Variants in SPATS2L observed in about 807,000 individuals in gnomAD.
The protein encoded by SPATS2L is SPATS2-like protein.
SPATS2L carries 30 observed loss-of-function variants against 59.6 expected under a neutral mutation model. The observed-to-expected ratio is 0.50, with a 90% CI of 0.38 to 0.68. SPATS2L has a LOEUF of 0.68. SPATS2L is among the 30% of genes least tolerant of loss of function. The pLI is 0.00. For missense variants in SPATS2L, 615 were observed against 700.0 expected (o/e 0.88, Z 1.37); for synonymous variants, 252 against 263.5 (o/e 0.96, Z 0.42).
intron 2 of SPATS2L, among the ~76,000 whole-genome samples, chr2:200,333,479 A>T (rs894563514): frequency 5.3e-5 from 8 of 151,646 alleles, no homozygotes; most frequent in South Asian, 4.2e-4. Flanking sequence ...AGGGTTTTTT[A>T]AAATTTTTTT....
chr2:200,439,071 C>CA (rs2084504857), intron 6 of SPATS2L, 51 bp from the exon 7 acceptor site: 9 of 1,497,984 alleles, frequency 6.0e-6, no homozygotes, highest in Non-Finnish European at 8.3e-6. Context: ...ACTTTATCGT[C>CA]AGTGTTTTTA....
At chr2:200,361,537 C>T (rs1352841411) in intron 2 of SPATS2L, among the ~76,000 whole-genome samples, 2 of 152,230 alleles carry the variant, frequency 1.3e-5, no homozygotes, top group Non-Finnish European at 2.9e-5. Flanking sequence ...TAAGAGAATA[C>T]ATTTCTCCAA....
intron 12 of SPATS2L, 21 bp downstream of exon 12, chr2:200,473,073 G>A: frequency 6.5e-7 from 1 of 1,549,080 alleles, no homozygotes; most frequent in Non-Finnish European, 8.7e-7. Flanking sequence ...ACTGGTGCAG[G>A]GTGCCAGAGG....
intron 2 of SPATS2L, among the ~76,000 whole-genome samples, chr2:200,377,276 A>G (rs905068676): frequency 5.3e-5 from 8 of 152,178 alleles, no homozygotes; most frequent in Non-Finnish European, 1.2e-4. Context: ...GTGAATCGTA[A>G]TTGCTTGTTT....
chr2:200,383,370 T>C (rs996533422), intron 2 of SPATS2L, among the ~76,000 whole-genome samples: 1 of 152,252 alleles, frequency 6.6e-6, no homozygotes, highest in Non-Finnish European at 1.5e-5. Flanking sequence ...ATATAGTCGA[T>C]ATAAAAAGTA....
At chr2:200,455,590 C>T (rs1339478168) in intron 8 of SPATS2L, among the ~76,000 whole-genome samples, 2 of 152,154 alleles carry the variant, frequency 1.3e-5, no homozygotes, top group Non-Finnish European at 2.9e-5. Context: ...AGAGGTGTAC[C>T]TCGAAAGCAA....
chr2:200,377,763 T>G (rs2081649266), intron 2 of SPATS2L, among the ~76,000 whole-genome samples: 1 of 152,232 alleles, frequency 6.6e-6, no homozygotes, highest in South Asian at 2.1e-4. Flanking sequence ...CATTTTCCAT[T>G]TAATGCAAAA....
At chr2:200,426,993 G>A (rs1391803197) in intron 6 of SPATS2L, among the ~76,000 whole-genome samples, 3 of 151,940 alleles carry the variant, frequency 2.0e-5, no homozygotes, top group Admixed American at 6.6e-5. Flanking sequence ...GGTATTTTTC[G>A]GTCACCTGGG....
At chr2:200,439,575 G>T (rs1378177209) in intron 7 of SPATS2L, among the ~76,000 whole-genome samples, 2 of 152,104 alleles carry the variant, frequency 1.3e-5, no homozygotes, top group Non-Finnish European at 2.9e-5. Context: ...CTTGTTGTAG[G>T]CATGGATAAA....
Position 200,479,406 on chromosome 2 carries a change from G to A in SPATS2L, c.*1375G>A. On this transcript the variant is annotated 3_prime_UTR_variant, in exon 13 of 13. Coordinates refer to ENST00000409140, the MANE Select transcript of SPATS2L (RefSeq NM_001100423.2). ...GCAAAGGTCTTGCATACCATTGCTG[G>A]TAGGCCTGTCTCTTAAACCAATCAT... The A allele has an allele frequency of 2.5e-6, 1 of 397,336 alleles. No homozygotes were observed. The highest frequency in any genetic ancestry group is 4.4e-6 in the Non-Finnish European group (1 of 225,824). The allele number at this position is 397,336 out of a possible 1,614,324, so 24.6% of individuals were successfully genotyped here.
At chr2:200,423,857 T>C (rs2083413097) in intron 6 of SPATS2L, among the ~76,000 whole-genome samples, 1 of 152,350 alleles carries the variant, frequency 6.6e-6, no homozygotes, top group Non-Finnish European at 1.5e-5. Context: ...ATTCAGGATC[T>C]CTCTTTTTAA....
intron 3 of SPATS2L, among the ~76,000 whole-genome samples, chr2:200,402,721 C>T (rs1248822406): frequency 1.3e-5 from 2 of 152,216 alleles, no homozygotes; most frequent in African/African-American, 4.8e-5. Context: ...TGCATTGTGA[C>T]TGACTGAAGA....
chr2:200,324,502 G>C lies in SPATS2L; in HGVS notation c.-72-4929G>C, dbSNP rs116544052. ...ATTCTGAATTTCCCTTCTTTGCTTT[G>C]GTACCAAAGCTTTCATTGAGCTCAT... On this transcript the variant is annotated intron_variant, in intron 1 of 12. Coordinates refer to ENST00000409140, the MANE Select transcript of SPATS2L (RefSeq NM_001100423.2). Among the ~76,000 whole-genome samples, 546 of 152,124 alleles carry C rather than the reference G, an allele frequency of 3.6e-3. 5 individuals carry two copies. The highest frequency in any genetic ancestry group is 0.013 in the African/African-American group (526 of 41,502).
intron 2 of SPATS2L, among the ~76,000 whole-genome samples, chr2:200,387,845 TTC>T (rs1297437171): frequency 6.6e-6 from 1 of 152,242 alleles, no homozygotes; most frequent in Non-Finnish European, 1.5e-5. Context: ...AAGTCATTTA[TTC>T]TCTATTTCAA....
intron 1 of SPATS2L, among the ~76,000 whole-genome samples, chr2:200,325,419 C>G (rs2079702433): frequency 6.6e-6 from 1 of 152,154 alleles, no homozygotes; most frequent in Admixed American, 6.5e-5. Flanking sequence ...CACTCTGTTA[C>G]CTAGGCTGGA....
intron 8 of SPATS2L, among the ~76,000 whole-genome samples, chr2:200,456,274 C>T (rs1221974966): frequency 6.6e-6 from 1 of 152,190 alleles, no homozygotes; most frequent in East Asian, 1.9e-4. Context: ...GTTTTGAAAG[C>T]AGCCACCCAT....
At chr2:200,452,909 A>G (rs2085567892) in intron 8 of SPATS2L, among the ~76,000 whole-genome samples, 1 of 151,542 alleles carries the variant, frequency 6.6e-6, no homozygotes. Flanking sequence ...AAAAAAATCT[A>G]TTATTATTTT....
intron 1 of SPATS2L, among the ~76,000 whole-genome samples, chr2:200,322,770 T>C (rs530111205): frequency 6.6e-6 from 1 of 152,314 alleles, no homozygotes; most frequent in African/African-American, 2.4e-5. Flanking sequence ...GATAGGGTAA[T>C]CCTGATTTGT....
chr2:200,422,610 A>G lies in SPATS2L; in HGVS notation c.445+3114A>G, dbSNP rs188985870. Among the ~76,000 whole-genome samples the G allele has an allele frequency of 1.9e-3, 286 of 152,158 alleles. 4 individuals are homozygous for G. The highest frequency in any genetic ancestry group is 0.017 in the Admixed American group (258 of 15,278). Reference sequence around the variant, plus strand: ...GTTAGTAGATGTTCTTGCAAAAGGAAGCAAATTCTCCTTATTGGCCCTTAA... The same window carrying G: ...GTTAGTAGATGTTCTTGCAAAAGGAGGCAAATTCTCCTTATTGGCCCTTAA... On this transcript the variant is annotated intron_variant, in intron 6 of 12. Transcript: ENST00000409140.
Sources: allele counts gnomAD v4.1 joint callset (sites outside exome capture counted in the v4.1 genomes callset), GRCh38; gene constraint gnomAD v4.1.1; transcripts MANE v1.5; gene names NCBI Gene and HGNC (gene_info 2026-07-23, HGNC 2026-07-21).